Variants in ZNF131 observed in about 807,000 individuals in gnomAD.
The protein encoded by ZNF131 is zinc finger and BTB domain containing 35.
Under a neutral mutation model 60.0 loss-of-function variants are expected in ZNF131, and 7 were observed. The observed-to-expected ratio is 0.12, with a 90% CI of 0.07 to 0.22. The LOEUF is 0.22. Ranked by LOEUF, ZNF131 falls within the 10% of genes least tolerant of loss-of-function variation. ZNF131 has a pLI of 1.00. For synonymous variants in ZNF131, 257 were observed against 253.2 expected, an observed-to-expected ratio of 1.01 and a Z score of -0.14; for missense variants, 493 against 740.9, an observed-to-expected ratio of 0.67 and a Z score of 3.88.
In ZNF131 at chr5:43,174,602, G is replaced by A; in HGVS notation, c.1341G>A (p.Glu447=). The part of the protein sequence containing the change: ...RHLSDAHNIS[E]RLVTEEVLSV... ...TCAGTGATGCTCACAATATTTCAGAGCGTCTAGTAACGGAAGAAGTTCTTT... is the reference window on the plus strand; with the variant it reads ...TCAGTGATGCTCACAATATTTCAGAACGTCTAGTAACGGAAGAAGTTCTTT... The change falls in exon 7 of 7, where the codon GAG becomes GAA. Residue 447 remains glutamate (E), a synonymous_variant. Transcript: ENST00000682664. 6.2e-7 allele frequency: 1 copy of A among 1,613,784 alleles called. No homozygotes were observed. The highest frequency in any genetic ancestry group is 8.5e-7 in the Non-Finnish European group (1 of 1,179,822).
intron 6 of ZNF131, 143 bp downstream of exon 6, chr5:43,173,591 TGG>T (rs1751252834): frequency 8.9e-7 from 1 of 1,127,494 alleles, no homozygotes; most frequent in South Asian, 2.9e-5. Flanking sequence ...ATTATTGTCT[TGG>T]GGACTAAATT....
intron 5 of ZNF131, among the ~76,000 whole-genome samples, chr5:43,170,882 G>A (rs1047207687): frequency 1.3e-5 from 2 of 149,520 alleles, no homozygotes; most frequent in Admixed American, 6.7e-5. Flanking sequence ...TGATCCACCC[G>A]ACTCAGTCTC....
chr5:43,132,897 G>T (rs1457592299), intron 3 of ZNF131, among the ~76,000 whole-genome samples: 1 of 152,156 alleles, frequency 6.6e-6, no homozygotes, highest in Non-Finnish European at 1.5e-5. Flanking sequence ...TGTCCTGAAG[G>T]CCGCATTCAG....
rs180950886 is a variant in ZNF131, at chr5:43,168,048, C to A, written c.1055-5270C>A. On this transcript the variant is annotated intron_variant, in intron 5 of 6. Transcript: ENST00000682664. ...TCACATGGTGAGGGAGTTGAGCATG[C>A]TAGCTCAGGTTTCTCTTACTCTTCT... 8 of 422,354 alleles carry A rather than the reference C, an allele frequency of 1.9e-5. No individual in the cohort carries two copies. In the East Asian group the frequency reaches 5.8e-4, roughly 31 times the overall value. 26.2% of individuals were successfully genotyped at this position (422,354 alleles called of 1,614,324 possible).
chr5:43,128,698 TAAAA>T (rs907143430), intron 3 of ZNF131, among the ~76,000 whole-genome samples: 1 of 139,868 alleles, frequency 7.1e-6, no homozygotes, highest in Non-Finnish European at 1.6e-5. Flanking sequence ...GTGCTCATAA[TAAAA>T]AAAACAAAAA....
Position 43,175,838 on chromosome 5 carries a change from C to G in ZNF131, c.*705C>G, listed in dbSNP as rs915296676. On this transcript the variant is annotated 3_prime_UTR_variant, in exon 7 of 7. Transcript: ENST00000682664. Reference sequence around the variant, plus strand: ...GAGCAATGTAGATGATGCTATAATACTTTATATTTTTGGTTATAATGACAA... The same window carrying G: ...GAGCAATGTAGATGATGCTATAATAGTTTATATTTTTGGTTATAATGACAA... 1 of 160,948 alleles carries G rather than the reference C, an allele frequency of 6.2e-6. No individual in the cohort carries two copies. The highest frequency in any genetic ancestry group is 2.4e-5 in the African/African-American group (1 of 41,754). 10.0% of individuals were successfully genotyped at this position (160,948 alleles called of 1,614,324 possible). A position where few individuals can be genotyped will look rare whatever the true frequency, so the allele number is the denominator to read the frequency against.
intron 4 of ZNF131, among the ~76,000 whole-genome samples, chr5:43,153,741 G>C (rs1438976354): frequency 6.6e-6 from 1 of 152,120 alleles, no homozygotes. Context: ...CATTATCCAC[G>C]AAGTAGCCAA....
chr5:43,145,661 CA>C (rs891154206), intron 4 of ZNF131, among the ~76,000 whole-genome samples: 43 of 142,532 alleles, frequency 3.0e-4, no homozygotes, highest in Admixed American at 9.1e-4. Flanking sequence ...CATCTCAAAA[CA>C]AAAAAAAAAG....
chr5:43,139,954 G>A (rs928444268), intron 4 of ZNF131, among the ~76,000 whole-genome samples: 2 of 152,138 alleles, frequency 1.3e-5, no homozygotes, highest in African/African-American at 2.4e-5. Flanking sequence ...AGTGGATTAC[G>A]CCTGTAATCC....
At chr5:43,170,327 G>C (rs1483830077) in intron 5 of ZNF131, among the ~76,000 whole-genome samples, 1 of 152,122 alleles carries the variant, frequency 6.6e-6, no homozygotes, top group Non-Finnish European at 1.5e-5. Context: ...AATACATATA[G>C]CTCAGTTACT....
At chr5:43,174,413 A>G in intron 6 of ZNF131, 34 bp from the exon 7 acceptor site, 2 of 1,482,922 alleles carry the variant, frequency 1.3e-6, no homozygotes, top group Non-Finnish European at 1.8e-6. Context: ...TTTGGATATA[A>G]GTATTGTCTA....
intron 4 of ZNF131, among the ~76,000 whole-genome samples, chr5:43,145,438 A>G (rs1747459074): frequency 6.6e-6 from 1 of 151,704 alleles, no homozygotes; most frequent in Non-Finnish European, 1.5e-5. Flanking sequence ...GGATCACTTG[A>G]GGTCAGGAGT....
chr5:43,138,487 T>C (rs901076972), intron 3 of ZNF131, among the ~76,000 whole-genome samples: 3 of 152,118 alleles, frequency 2.0e-5, no homozygotes, highest in South Asian at 2.1e-4. Flanking sequence ...ACCCCATCTC[T>C]ACTAAAAATT....
In ZNF131 at chr5:43,170,190, C is replaced by G. The variant is rs113162161; in HGVS notation, c.1055-3128C>G. 4.8e-3 allele frequency among the ~76,000 whole-genome samples: 724 copies of G among 152,194 alleles called. 5 individuals carry two copies. The highest frequency in any genetic ancestry group is 7.5e-3 in the Non-Finnish European group (511 of 68,022). On this transcript the variant is annotated intron_variant, in intron 5 of 6. Transcript: ENST00000682664. ...CCACTAAACCATTTAGTGATATTGCCCATCATTTTGGGAGTTGAAAAGAGT... is the reference window on the plus strand; with the variant it reads ...CCACTAAACCATTTAGTGATATTGCGCATCATTTTGGGAGTTGAAAAGAGT...
intron 5 of ZNF131, among the ~76,000 whole-genome samples, chr5:43,170,072 C>A (rs1372088830): frequency 6.6e-6 from 1 of 152,196 alleles, no homozygotes; most frequent in Non-Finnish European, 1.5e-5. Flanking sequence ...CATTTTATAT[C>A]TTGACAAAGA....
At chr5:43,156,801 C>G (rs1440294489) in intron 4 of ZNF131, among the ~76,000 whole-genome samples, 4 of 152,118 alleles carry the variant, frequency 2.6e-5, no homozygotes, top group African/African-American at 9.7e-5. Flanking sequence ...CTTTGAGAGG[C>G]CAAGGTGGGA....
chr5:43,139,109 C>T, intron 3 of ZNF131, 56 bp from the exon 4 acceptor site: 1 of 1,357,336 alleles, frequency 7.4e-7, no homozygotes. Context: ...CTTTACTAAA[C>T]ATTGTAAGAT....
chr5:43,172,924 C>A (rs1033337429), intron 5 of ZNF131, among the ~76,000 whole-genome samples: 1 of 152,082 alleles, frequency 6.6e-6, no homozygotes, highest in Non-Finnish European at 1.5e-5. Context: ...TATCTTCTTA[C>A]CTTCATCACC....
chr5:43,139,772 A>G (rs147328176), intron 4 of ZNF131, among the ~76,000 whole-genome samples: 10 of 152,348 alleles, frequency 6.6e-5, no homozygotes, highest in African/African-American at 2.2e-4. Context: ...CCATAAGTCT[A>G]TAGTAGATGT....
Sources: allele counts gnomAD v4.1 joint callset (sites outside exome capture counted in the v4.1 genomes callset), GRCh38; gene constraint gnomAD v4.1.1; transcripts MANE v1.5; gene names NCBI Gene and HGNC (gene_info 2026-07-23, HGNC 2026-07-21).